Variants in MRE11 observed in about 807,000 individuals in gnomAD.
The protein encoded by MRE11 is double-strand break repair protein MRE11.
Under a neutral mutation model 91.7 loss-of-function variants are expected in MRE11, and 62 were observed. The observed-to-expected ratio is 0.68, with a 90% CI of 0.55 to 0.84. MRE11 has a LOEUF of 0.84. Ranked by LOEUF, MRE11 falls within the 40% of genes least tolerant of loss-of-function variation. The probability of loss-of-function intolerance (pLI) is 0.00; values close to 1 mark genes in which losing one functional copy is unlikely to be tolerated. For synonymous variants in MRE11, 273 were observed against 271.4 expected (o/e 1.01, Z -0.06); for missense variants, 796 against 852.9 (o/e 0.93, Z 0.83).
intron 11 of MRE11, among the ~76,000 whole-genome samples, chr11:94,463,084 G>GA (rs1174613932): frequency 3.3e-5 from 5 of 152,096 alleles, no homozygotes; most frequent in African/African-American, 2.4e-5. Flanking sequence ...AAATTTATAA[G>GA]AAAAAATCAA....
the MRE11 span, among the ~76,000 whole-genome samples, chr11:94,502,133 CCTCACAACAACT>C: frequency 2.9e-3 from 437 of 152,256 alleles, 2 homozygotes; most frequent in African/African-American, 0.01. Context: ...ACCATGTGAG[CCTCACAACAACT>C]CTCTGAGATA....
intron 4 of MRE11, among the ~76,000 whole-genome samples, chr11:94,481,765 G>A (rs1291389875): frequency 6.6e-6 from 1 of 152,058 alleles, no homozygotes; most frequent in Non-Finnish European, 1.5e-5. Flanking sequence ...ACTAATTCAT[G>A]AGCCATACCA....
chr11:94,468,441 G>A (rs1192999929), intron 9 of MRE11, among the ~76,000 whole-genome samples: 1 of 152,172 alleles, frequency 6.6e-6, no homozygotes, highest in African/African-American at 2.4e-5. Context: ...GTAAAACCAA[G>A]TTACAAGGAG....
At position 94,457,355 on chromosome 11, in the gene MRE11, G is replaced by C. The variant is rs1300065178; in HGVS notation, c.1501-1017C>G. On this transcript the variant is annotated intron_variant, in intron 13 of 19. Transcript: ENST00000323929. ...ATAGAAAATGGAGAGAGAAGAATGA[G>C]TCAGCAAATACAGAAAACTCTTTGA... Among the ~76,000 whole-genome samples the C allele has an allele frequency of 2.0e-5, 3 of 152,144 alleles. No individual in the cohort carries two copies. The East Asian group carries it at 5.8e-4, about 29-fold the overall frequency.
At chr11:94,505,628 A>G in the MRE11 span, among the ~76,000 whole-genome samples, 4 of 152,220 alleles carry the variant, frequency 2.6e-5, no homozygotes, top group African/African-American at 9.6e-5. Context: ...AAGGTAATTT[A>G]TTATTGAAGA....
rs375654176 is a variant in MRE11 at position 94,448,190 on chromosome 11, A to G, written c.1564-752T>C. ...GGGTGCTTTTGTTTTTTGTTCTTGA[A>G]TATTACATATTTTCTATATTACACT... is the stretch of plus-strand genomic sequence containing the variant. On this transcript the variant is annotated intron_variant, in intron 14 of 19. Coordinates refer to ENST00000323929, the MANE Select transcript of MRE11 (RefSeq NM_005591.4). Among the ~76,000 whole-genome samples the G allele has an allele frequency of 3.9e-5, 6 of 152,294 alleles. No individual in the cohort carries two copies. The East Asian group carries it at 1.2e-3, about 29-fold the overall frequency.
At chr11:94,502,110 T>A in the MRE11 span, among the ~76,000 whole-genome samples, 23 of 152,172 alleles carry the variant, frequency 1.5e-4, no homozygotes, top group Admixed American at 1.5e-3. Flanking sequence ...TGTATGTGCT[T>A]CACGTGTGTG....
chr11:94,456,173 C>A, intron 14 of MRE11, 103 bp downstream of exon 14: 2 of 1,090,864 alleles, frequency 1.8e-6, no homozygotes, highest in Middle Eastern at 2.0e-4. Flanking sequence ...CAGCTCACTC[C>A]TATCCCCTAG....
At position 94,421,920 on chromosome 11, in the gene MRE11, G is replaced by C. The variant is rs12286651; in HGVS notation, c.2071-1739C>G. On this transcript the variant is annotated intron_variant, in intron 19 of 19. Transcript: ENST00000323929. ...GATGAAGAAGGGGAAACAGAGACTT[G>C]TTATTTCAGGGATATAGATTTTCAG... Among the ~76,000 whole-genome samples the C allele has an allele frequency of 7.3e-3, 1,109 of 152,232 alleles. 11 individuals carry two copies. The highest frequency in any genetic ancestry group is 0.024 in the African/African-American group (1,010 of 41,548).
intron 19 of MRE11, among the ~76,000 whole-genome samples, chr11:94,429,225 T>C (rs1394101044): frequency 6.6e-6 from 1 of 152,232 alleles, no homozygotes; most frequent in Non-Finnish European, 1.5e-5. Context: ...AAGGGAATGC[T>C]TATACATTGT....
intron 2 of MRE11, 111 bp from the exon 3 acceptor site, chr11:94,491,076 A>AT (rs1306694961): frequency 1.8e-5 from 13 of 736,874 alleles, no homozygotes; most frequent in East Asian, 5.5e-5. Context: ...GAGTAAAATC[A>AT]TTTTTTTTAG....
intron 9 of MRE11, among the ~76,000 whole-genome samples, chr11:94,469,079 A>C (rs1329627614): frequency 2.0e-5 from 3 of 152,172 alleles, no homozygotes; most frequent in African/African-American, 7.2e-5. Context: ...ATGTACATAA[A>C]ATACAGAGAT....
At position 94,492,872 on chromosome 11, in the gene MRE11, T is replaced by A; in HGVS notation, c.-71A>T. The A allele has an allele frequency of 2.9e-6, 4 of 1,390,780 alleles. No homozygotes were observed. The highest frequency in any genetic ancestry group is 4.0e-6 in the Non-Finnish European group (4 of 991,802). The allele number at this position is 1,390,780 out of a possible 1,614,324, so 86.2% of individuals were successfully genotyped here. A position where few individuals can be genotyped will look rare whatever the true frequency, so the allele number is the denominator to read the frequency against. ...AACCCCTGGGTACTGTACTCAAATG[T>A]CAGAAAATGCACTCGATTCCAAATT... is the stretch of plus-strand genomic sequence containing the variant. On this transcript the variant is annotated 5_prime_UTR_variant, in exon 2 of 20. Transcript: ENST00000323929.
At chr11:94,484,669 C>A (rs115235841) in intron 4 of MRE11, among the ~76,000 whole-genome samples, 1 of 152,142 alleles carries the variant, frequency 6.6e-6, no homozygotes, top group Non-Finnish European at 1.5e-5. Flanking sequence ...GTTGATGTCA[C>A]GCACCTCCTG....
At chr11:94,450,864 G>T (rs898245074) in intron 14 of MRE11, among the ~76,000 whole-genome samples, 4 of 152,080 alleles carry the variant, frequency 2.6e-5, no homozygotes, top group Non-Finnish European at 4.4e-5. Context: ...AAACACATTA[G>T]AATGAATAAA....
At chr11:94,467,547 G>A (rs545973226) in intron 10 of MRE11, among the ~76,000 whole-genome samples, 4 of 151,876 alleles carry the variant, frequency 2.6e-5, no homozygotes, top group Admixed American at 2.0e-4. Context: ...GAGTAGAGGA[G>A]GTAGTTAAAG....
chr11:94,500,867 A>C, the MRE11 span, among the ~76,000 whole-genome samples: 3 of 152,328 alleles, frequency 2.0e-5, no homozygotes, highest in Non-Finnish European at 4.4e-5. Flanking sequence ...TGATCAGAAG[A>C]AGCCCAGAGA....
chr11:94,493,374 G>A (rs1237108578), intron 1 of MRE11, among the ~76,000 whole-genome samples: 6 of 152,178 alleles, frequency 3.9e-5, no homozygotes, highest in Admixed American at 2.6e-4. Context: ...TTTAAAGCGA[G>A]TGTAAATAAA....
chr11:94,430,052 G>T (rs1310630129), intron 18 of MRE11, 66 bp from the exon 19 acceptor site: 10 of 1,535,428 alleles, frequency 6.5e-6, no homozygotes, highest in African/African-American at 1.4e-5. Context: ...TGCCTTTCTG[G>T]CTAAGTTTTT....
Sources: allele counts gnomAD v4.1 joint callset (sites outside exome capture counted in the v4.1 genomes callset), GRCh38; gene constraint gnomAD v4.1.1; transcripts MANE v1.5; gene names NCBI Gene and HGNC (gene_info 2026-07-23, HGNC 2026-07-21).